The following LRRC53 variants were observed in gnomAD, a reference collection of about 807,000 sequenced individuals.
LRRC53 encodes the protein leucine-rich repeat-containing protein 53.
A neutral mutation model predicts 13.6 loss-of-function variants in LRRC53; 25 were observed. That is an observed-to-expected ratio of 1.83 (90% CI 1.34 to 2.56). LRRC53 has a LOEUF of 2.56. Among genes scored for constraint, LRRC53 ranks in the 30% most tolerant of loss-of-function variants. The pLI, the probability that LRRC53 is intolerant of heterozygous loss-of-function variation, is 0.00. For synonymous variants in LRRC53, 204 were observed against 109.8 expected (o/e 1.86, Z -5.37); for missense variants, 527 against 275.8 (o/e 1.91, Z -6.45).
At chr1:74,515,229 G>A (rs1299289053), upstream of LRRC53, among the ~76,000 whole-genome samples, 1 of 152,142 alleles carries the variant, frequency 6.6e-6, no homozygotes, top group Non-Finnish European at 1.5e-5. Context: ...TGAATACAGA[G>A]GATGACATAA....
chr1:74,512,043 T>G (rs957940610), intron 1 of LRRC53, among the ~76,000 whole-genome samples: 1 of 152,178 alleles, frequency 6.6e-6, no homozygotes, highest in Non-Finnish European at 1.5e-5. Flanking sequence ...GCAGCTTCCC[T>G]TCCAGTCACT....
the LRRC53 span, among the ~76,000 whole-genome samples, chr1:74,518,873 C>CTTTTTTTTTTTTTTTTTTTT: frequency 2.0e-5 from 2 of 100,358 alleles, 1 homozygote. Flanking sequence ...TTTTTTTTCC[C>CTTTTTTTTTTTTTTTTTTTT]CTTTTTTTTT....
chr1:74,520,419 A>T, the LRRC53 span, among the ~76,000 whole-genome samples: 1 of 151,936 alleles, frequency 6.6e-6, no homozygotes, highest in East Asian at 1.9e-4. Context: ...CTGTGACTCC[A>T]TGGATTCTCC....
intron 4 of LRRC53, among the ~76,000 whole-genome samples, chr1:74,474,934 G>A (rs1668115122): frequency 6.6e-6 from 1 of 152,044 alleles, no homozygotes; most frequent in African/African-American, 2.4e-5. Flanking sequence ...GAGCTCGAAG[G>A]ATGTTGGAAT....
In LRRC53 at chr1:74,471,397, C is replaced by G. The variant is rs1176215086; in HGVS notation, c.2225G>C (p.Cys742Ser). The G allele has an allele frequency of 2.5e-6, 1 of 400,590 alleles. No individual in the cohort carries two copies. Among genetic ancestry groups the G allele is most frequent in the Non-Finnish European group, 4.4e-6 (1 of 226,174 alleles). The allele number at this position is 400,590 out of a possible 1,614,324, so 24.8% of individuals were successfully genotyped here. The change falls in exon 5 of 5, where the codon TGC becomes TCC. Residue 742 changes from cysteine (C) to serine (S), a missense_variant. By Grantham distance (112) the Cys-to-Ser change is moderately radical. Coordinates refer to ENST00000294635, the MANE Select transcript of LRRC53 (RefSeq NM_001382280.1). The part of the protein sequence containing the change: ...EKSLSSLPKQ[C>S]KQVLLPPKKL... ...CTTAGGAGGCAACAATACCTGCTTG[C>G]ATTGCTTTGGGAGACTTGACAAGGA...
the LRRC53 span, among the ~76,000 whole-genome samples, chr1:74,525,878 A>C: frequency 6.6e-6 from 1 of 152,208 alleles, no homozygotes; most frequent in African/African-American, 2.4e-5. Flanking sequence ...AAGAACCCCC[A>C]CATTACTGGC....
chr1:74,472,071 G>T lies in LRRC53; in HGVS notation c.1551C>A (p.His517Gln), dbSNP rs930291510. The T allele has an allele frequency of 2.8e-6, 2 of 716,808 alleles. No homozygotes were observed. The highest frequency in any genetic ancestry group is 3.5e-5 in the African/African-American group (2 of 57,120). The allele number at this position is 716,808 out of a possible 1,614,324, so 44.4% of individuals were successfully genotyped here. A position where few individuals can be genotyped will look rare whatever the true frequency, so the allele number is the denominator to read the frequency against. ...PPIEKEDNGL[H>Q]PHRQRHFITS... ...TAATAAAATGTCTTTGCCTATGAGGGTGTAAGCCATTGTCTTCTTTTTCTA... is the reference window on the plus strand; with the variant it reads ...TAATAAAATGTCTTTGCCTATGAGGTTGTAAGCCATTGTCTTCTTTTTCTA... Residue 517 changes from histidine (H) to glutamine (Q), a missense_variant, in exon 5 of 5, where the codon CAC (histidine) becomes CAA (glutamine). Coordinates refer to ENST00000294635, the MANE Select transcript of LRRC53 (RefSeq NM_001382280.1).
upstream of LRRC53, among the ~76,000 whole-genome samples, chr1:74,516,005 G>T (rs1646342889): frequency 6.6e-6 from 1 of 152,162 alleles, no homozygotes; most frequent in South Asian, 2.1e-4. Context: ...GAGTAGTACT[G>T]ATGTCTTTAG....
chr1:74,517,708 T>A, the LRRC53 span, among the ~76,000 whole-genome samples: 1 of 152,292 alleles, frequency 6.6e-6, no homozygotes, highest in Admixed American at 6.5e-5. Flanking sequence ...AGAGTACGAC[T>A]GGTAAACCGA....
chr1:74,483,485 C>T (rs1668602254), intron 1 of LRRC53, 110 bp from the exon 2 acceptor site: 11 of 555,000 alleles, frequency 2.0e-5, no homozygotes, highest in Non-Finnish European at 3.3e-6. Context: ...GTTCAATGAG[C>T]ATCTTGGTGT....
chr1:74,532,431 A>G, the LRRC53 span, among the ~76,000 whole-genome samples: 19 of 151,678 alleles, frequency 1.3e-4, no homozygotes, highest in South Asian at 4.0e-3. Flanking sequence ...TAACTGAACA[A>G]TAGTTTGACA....
intron 1 of LRRC53, among the ~76,000 whole-genome samples, chr1:74,497,653 T>A (rs1361395417): frequency 6.6e-6 from 1 of 152,020 alleles, no homozygotes; most frequent in Non-Finnish European, 1.5e-5. Context: ...CCAGATCATT[T>A]ATTCAGCCTT....
rs1475464696 is a variant in LRRC53 at position 74,492,177 on chromosome 1, A to G, written c.-26-8802T>C. The G allele has an allele frequency of 6.2e-7, 1 of 1,613,054 alleles. No homozygotes were observed. Among genetic ancestry groups the G allele is most frequent in the Non-Finnish European group, 8.5e-7 (1 of 1,179,390 alleles). ...CTGATTGCCTGGTGAACCGGGGAGG[A>G]CCTGGCCGGAGTCATGTGGCAGCAT... On this transcript the variant is annotated intron_variant, in intron 1 of 4. Coordinates refer to ENST00000294635, the MANE Select transcript of LRRC53 (RefSeq NM_001382280.1).
intron 1 of LRRC53, among the ~76,000 whole-genome samples, chr1:74,491,429 AGATGGTGTCGATCTGTTGACCAG>A (rs1669070539): frequency 1.3e-5 from 2 of 152,158 alleles, no homozygotes. Flanking sequence ...CATGTTGACC[AGATGGTGTCGATCTGTTGACCAG>A]GATGGTGTCG....
intron 1 of LRRC53, among the ~76,000 whole-genome samples, chr1:74,497,069 T>C (rs1344333337): frequency 2.0e-5 from 3 of 152,192 alleles, no homozygotes; most frequent in African/African-American, 7.2e-5. Flanking sequence ...AAAGGTTTCT[T>C]TAAATAGCTT....
At chr1:74,473,744 G>A (rs1668052823) in intron 4 of LRRC53, among the ~76,000 whole-genome samples, 1 of 152,040 alleles carries the variant, frequency 6.6e-6, no homozygotes. Context: ...TGTTCGCTGT[G>A]TATTGGAAGG....
At chr1:74,488,848 A>C (rs188304588) in intron 1 of LRRC53, among the ~76,000 whole-genome samples, 1 of 152,294 alleles carries the variant, frequency 6.6e-6, no homozygotes, top group East Asian at 1.9e-4. Context: ...CAAGGCACTG[A>C]GATAGTTAAT....
At chr1:74,486,569 G>A (rs1668780643) in intron 1 of LRRC53, among the ~76,000 whole-genome samples, 2 of 150,558 alleles carry the variant, frequency 1.3e-5, no homozygotes, top group South Asian at 2.1e-4. Flanking sequence ...AATGGGAAAG[G>A]CTATAAATAT....
rs1667897162 is a variant in LRRC53, at chr1:74,470,943, G to A, written c.2679C>T (p.Ser893=). The A allele has an allele frequency of 5.0e-6, 2 of 400,648 alleles. No homozygotes were observed. Among genetic ancestry groups the A allele is most frequent in the East Asian group, 3.6e-5 (1 of 28,062 alleles). 24.8% of individuals were successfully genotyped at this position (400,648 alleles called of 1,614,324 possible). A position where few individuals can be genotyped will look rare whatever the true frequency, so the allele number is the denominator to read the frequency against. ...TGSDVLPFQH[S]RRATDQGTTE... ...TTGTCCCTTGGTCAGTAGCCCTCCT[G>A]GAATGTTGGAATGGTAAAACATCAC... Residue 893 remains serine, a synonymous_variant, in exon 5 of 5, where the codon TCC becomes TCT. Transcript: ENST00000294635.
Sources: allele counts gnomAD v4.1 joint callset (sites outside exome capture counted in the v4.1 genomes callset), GRCh38; gene constraint gnomAD v4.1.1; transcripts MANE v1.5; gene names NCBI Gene and HGNC (gene_info 2026-07-23, HGNC 2026-07-21).